Variants in SCFD2 observed in about 807,000 individuals in gnomAD.
SCFD2 encodes sec1 family domain containing 2.
SCFD2 carries 54 observed loss-of-function variants against 58.9 expected under a neutral mutation model. The ratio of observed to expected loss-of-function variants is 0.92; its 90% CI spans 0.74 to 1.15. The LOEUF (loss-of-function observed/expected upper bound fraction) is 1.15, where lower values mean the gene tolerates loss of function less well. Ranked by LOEUF, SCFD2 falls within the 50% of genes most tolerant of loss-of-function variation. SCFD2 has a pLI of 0.00. For synonymous variants in SCFD2, 321 were observed against 335.9 expected (o/e 0.96, Z 0.49); for missense variants, 805 against 836.6 (o/e 0.96, Z 0.47).
chr4:53,216,768 T>A (rs1728854377), intron 4 of SCFD2, among the ~76,000 whole-genome samples: 1 of 152,228 alleles, frequency 6.6e-6, no homozygotes, highest in Admixed American at 6.5e-5. Context: ...TTTCCTGCTT[T>A]CTCTTGTGGG....
At chr4:53,054,422 C>A (rs1723266872) in intron 5 of SCFD2, among the ~76,000 whole-genome samples, 1 of 152,018 alleles carries the variant, frequency 6.6e-6, no homozygotes, top group African/African-American at 2.4e-5. Context: ...AGCTCTATAC[C>A]CTTAAGTCCT....
chr4:53,101,793 C>T (rs1474958018), intron 5 of SCFD2, among the ~76,000 whole-genome samples: 7 of 152,034 alleles, frequency 4.6e-5, no homozygotes, highest in Non-Finnish European at 1.5e-5. Flanking sequence ...GTCTCAATGT[C>T]ATCAAAAGAT....
Position 52,913,865 on chromosome 4 carries a change from A to G in SCFD2, c.1708-6274T>C, listed in dbSNP as rs548760363. Among the ~76,000 whole-genome samples, 50 of 152,196 alleles carry G rather than the reference A, an allele frequency of 3.3e-4. 2 individuals are homozygous for G. The highest frequency in any genetic ancestry group is 7.2e-4 in the Non-Finnish European group (49 of 68,034). ...AAGTGATATGTATCACTTCCACCGC[A>G]GTTCATTGGCCATAACTAGTCACAA... On this transcript the variant is annotated intron_variant, in intron 6 of 8. Coordinates refer to ENST00000401642, the MANE Select transcript of SCFD2 (RefSeq NM_152540.4).
chr4:52,900,259 T>C (rs1392483073), intron 7 of SCFD2, among the ~76,000 whole-genome samples: 1 of 152,172 alleles, frequency 6.6e-6, no homozygotes, highest in Admixed American at 6.5e-5. Flanking sequence ...TTCTGCTCTG[T>C]TTTTTCCCCA....
chr4:53,188,281 C>T (rs181306604), intron 4 of SCFD2, among the ~76,000 whole-genome samples: 30 of 152,266 alleles, frequency 2.0e-4, no homozygotes, highest in Admixed American at 3.9e-4. Context: ...TGTTTACCCA[C>T]GCTGTAACTC....
chr4:53,095,723 AT>A (rs146571735), intron 5 of SCFD2, among the ~76,000 whole-genome samples: 5,812 of 148,902 alleles, frequency 0.039, 377 homozygotes, highest in African/African-American at 0.13. Flanking sequence ...TCTCTTGCTC[AT>A]TTTTTTTTTA....
chr4:53,115,708 T>C lies in SCFD2; in HGVS notation c.1561+29625A>G, dbSNP rs151081870. Among the ~76,000 whole-genome samples, 20 of 152,312 alleles carry C rather than the reference T, an allele frequency of 1.3e-4. 2 individuals carry two copies. The highest frequency in any genetic ancestry group is 4.8e-4 in the African/African-American group (20 of 41,582). On this transcript the variant is annotated intron_variant, in intron 5 of 8. Transcript: ENST00000401642. ...ATGGGCTGACATGGTATTTCTACTT[T>C]AGGCTTCAAATTTATAACTTTTTCC...
intron 5 of SCFD2, among the ~76,000 whole-genome samples, chr4:53,030,887 A>T (rs894740274): frequency 1.4e-4 from 22 of 152,272 alleles, no homozygotes; most frequent in Non-Finnish European, 2.8e-4. Flanking sequence ...GAAATAATTC[A>T]ATTCACCTGG....
At chr4:53,311,296 C>A (rs1226298388) in intron 3 of SCFD2, among the ~76,000 whole-genome samples, 1 of 152,008 alleles carries the variant, frequency 6.6e-6, no homozygotes, top group Admixed American at 6.6e-5. Context: ...TTTTTTCCTT[C>A]TTTCTTCCTC....
chr4:53,065,360 G>C (rs1332036762), intron 5 of SCFD2, among the ~76,000 whole-genome samples: 1 of 151,976 alleles, frequency 6.6e-6, no homozygotes, highest in Non-Finnish European at 1.5e-5. Context: ...AATATGAAAG[G>C]AAATCTGGAA....
At chr4:53,268,338 C>T (rs1241455409) in intron 4 of SCFD2, among the ~76,000 whole-genome samples, 3 of 151,970 alleles carry the variant, frequency 2.0e-5, no homozygotes, top group Admixed American at 6.6e-5. Context: ...GGTGTCCATA[C>T]GACTACCAGG....
chr4:53,324,334 C>G (rs114216910), intron 2 of SCFD2, among the ~76,000 whole-genome samples: 2,513 of 146,064 alleles, frequency 0.017, 76 homozygotes, highest in African/African-American at 0.06. Context: ...AAGAGGATCG[C>G]TTGAGTCCAG....
Position 53,012,716 on chromosome 4 carries a change from G to C in SCFD2, c.1562-91846C>G, listed in dbSNP as rs192429129. ...ACTGCTCATCAGCATGTTCTAGCCA[G>C]TCGGCAAAAAAGGCATCTGCATTTA... On this transcript the variant is annotated intron_variant, in intron 5 of 8. Coordinates refer to ENST00000401642, the MANE Select transcript of SCFD2 (RefSeq NM_152540.4). Among the ~76,000 whole-genome samples, 248 of 151,880 alleles carry C rather than the reference G, an allele frequency of 1.6e-3. 1 individual carries two copies. Among genetic ancestry groups the C allele is most frequent in the Admixed American group, 5.5e-3 (84 of 15,260 alleles).
At position 53,273,955 on chromosome 4, in the gene SCFD2, C is replaced by T. The variant is rs1015714544; in HGVS notation, c.1182G>A (p.Lys394=). 1 of 1,613,592 alleles carries T rather than the reference C, an allele frequency of 6.2e-7. No homozygotes were observed. Among genetic ancestry groups the T allele is most frequent in the African/African-American group, 1.3e-5 (1 of 74,922 alleles). The stretch of plus-strand genomic sequence containing the variant: ...GATTCATTAGAGCTTTGAGGTTGTT[C>T]TTGAAGAGCTGAATATAGGACATGA... The part of the protein sequence containing the change: ...GQLMSYIQLF[K]NNLKALMNHC... Residue 394 remains lysine (K), a synonymous_variant, in exon 4 of 9, where the codon AAG becomes AAA. Coordinates refer to ENST00000401642, the MANE Select transcript of SCFD2 (RefSeq NM_152540.4).
At chr4:53,135,482 T>C (rs544831214) in intron 5 of SCFD2, among the ~76,000 whole-genome samples, 1 of 152,266 alleles carries the variant, frequency 6.6e-6, no homozygotes, top group East Asian at 1.9e-4. Flanking sequence ...ACGCCTATAA[T>C]CCCAGCACTT....
intron 3 of SCFD2, among the ~76,000 whole-genome samples, chr4:53,309,132 CAA>C (rs201574256): frequency 3.1e-5 from 4 of 128,302 alleles, no homozygotes; most frequent in Non-Finnish European, 3.3e-5. Flanking sequence ...GACTTCGTCT[CAA>C]AAAAAAAAAA....
intron 7 of SCFD2, among the ~76,000 whole-genome samples, chr4:52,892,592 T>C (rs1718903157): frequency 6.6e-6 from 1 of 152,216 alleles, no homozygotes; most frequent in Admixed American, 6.5e-5. Context: ...TTCATTACTT[T>C]GGAGTTCCTA....
chr4:52,933,263 G>A (rs1030581250), intron 5 of SCFD2, among the ~76,000 whole-genome samples: 5 of 152,036 alleles, frequency 3.3e-5, no homozygotes, highest in Admixed American at 2.0e-4. Context: ...TACAGAGGCT[G>A]CTGTCTGCAG....
chr4:52,942,740 G>A (rs1438132231), intron 5 of SCFD2, among the ~76,000 whole-genome samples: 2 of 152,104 alleles, frequency 1.3e-5, no homozygotes, highest in Non-Finnish European at 2.9e-5. Context: ...AGTACAGAAG[G>A]GAGAGGGACT....
Sources: gnomAD v4.1 joint callset for allele counts (sites outside exome capture counted in the v4.1 genomes callset) on GRCh38, gnomAD v4.1.1 for gene constraint, MANE v1.5 for transcripts, NCBI Gene and HGNC (gene_info 2026-07-23, HGNC 2026-07-21) for gene names.